Variants in TAFA1 observed in about 807,000 individuals in gnomAD.
TAFA1 encodes the protein chemokine-like protein TAFA-1.
Under a neutral mutation model 18.5 loss-of-function variants are expected in TAFA1, and 4 were observed. The ratio of observed to expected loss-of-function variants is 0.22; its 90% CI spans 0.11 to 0.49. The LOEUF (loss-of-function observed/expected upper bound fraction) is 0.49, where lower values mean the gene tolerates loss of function less well. TAFA1 is among the 20% of genes least tolerant of loss of function. The pLI is 0.98. For synonymous variants in TAFA1, 56 were observed against 55.2 expected, an observed-to-expected ratio of 1.01 and a Z score of -0.06; for missense variants, 147 against 169.0, an observed-to-expected ratio of 0.87 and a Z score of 0.72.
intron 2 of TAFA1, among the ~76,000 whole-genome samples, chr3:68,106,725 CATT>C (rs1270453757): frequency 1.3e-5 from 2 of 152,010 alleles, no homozygotes; most frequent in Non-Finnish European, 2.9e-5. Flanking sequence ...ATTTACAAAA[CATT>C]ATCAGAATGC....
At chr3:68,240,378 T>C (rs1323597943) in intron 2 of TAFA1, among the ~76,000 whole-genome samples, 1 of 152,132 alleles carries the variant, frequency 6.6e-6, no homozygotes, top group African/African-American at 2.4e-5. Flanking sequence ...CTCTTCCATC[T>C]CTCTTGAACA....
At chr3:68,030,094 A>G (rs537567202) in intron 2 of TAFA1, among the ~76,000 whole-genome samples, 2 of 152,178 alleles carry the variant, frequency 1.3e-5, no homozygotes, top group Non-Finnish European at 2.9e-5. Context: ...TTGTAAGATG[A>G]AGAAATTAGA....
intron 3 of TAFA1, among the ~76,000 whole-genome samples, chr3:68,485,070 C>G (rs771472444): frequency 2.0e-5 from 3 of 152,202 alleles, no homozygotes; most frequent in Non-Finnish European, 2.9e-5. Context: ...TGTATCTACA[C>G]ACAAAGTAGC....
chr3:68,160,094 T>C (rs1047004167), intron 2 of TAFA1, among the ~76,000 whole-genome samples: 1 of 152,204 alleles, frequency 6.6e-6, no homozygotes, highest in Admixed American at 6.5e-5. Context: ...TGGAAAGCTC[T>C]TGGGCTTCTG....
intron 2 of TAFA1, among the ~76,000 whole-genome samples, chr3:68,321,400 G>C (rs2068695979): frequency 6.6e-6 from 1 of 152,000 alleles, no homozygotes; most frequent in African/African-American, 2.4e-5. Flanking sequence ...TCTCCTCTGG[G>C]GTGTCTTTAA....
intron 3 of TAFA1, among the ~76,000 whole-genome samples, chr3:68,448,123 G>C (rs1453498650): frequency 6.6e-6 from 1 of 152,050 alleles, no homozygotes. Context: ...GCATCCCTGG[G>C]GTCATCTCCT....
chr3:67,994,659 G>A, the TAFA1 span, among the ~76,000 whole-genome samples: 2 of 152,124 alleles, frequency 1.3e-5, no homozygotes, highest in African/African-American at 4.8e-5. Context: ...ACAGGTTGGT[G>A]GCTCTTCAGA....
At chr3:68,156,009 A>G (rs1313505216) in intron 2 of TAFA1, among the ~76,000 whole-genome samples, 2 of 151,968 alleles carry the variant, frequency 1.3e-5, no homozygotes, top group African/African-American at 4.8e-5. Flanking sequence ...TTCCCCCTTC[A>G]AGTACCAGGT....
intron 2 of TAFA1, among the ~76,000 whole-genome samples, chr3:68,232,445 C>A (rs1217170189): frequency 6.6e-6 from 1 of 152,122 alleles, no homozygotes; most frequent in Non-Finnish European, 1.5e-5. Flanking sequence ...TTTTGTTTAT[C>A]CGTTCATCTA....
chr3:68,467,024 AC>A (rs2071899929), intron 3 of TAFA1, among the ~76,000 whole-genome samples: 1 of 152,082 alleles, frequency 6.6e-6, no homozygotes, highest in South Asian at 2.1e-4. Flanking sequence ...AATATTCCTT[AC>A]TGGGGAAAGA....
intron 2 of TAFA1, among the ~76,000 whole-genome samples, chr3:68,101,988 G>A (rs892905179): frequency 6.6e-5 from 10 of 152,008 alleles, no homozygotes; most frequent in Non-Finnish European, 5.9e-5. Context: ...TTCAAGGTGC[G>A]GTAGGGTCAG....
intron 2 of TAFA1, among the ~76,000 whole-genome samples, chr3:68,171,087 G>T (rs2066047804): frequency 6.6e-6 from 1 of 152,142 alleles, no homozygotes; most frequent in African/African-American, 2.4e-5. Context: ...ATGGCAAGGA[G>T]GAATTCAGGT....
intron 2 of TAFA1, among the ~76,000 whole-genome samples, chr3:68,261,939 G>C (rs940940616): frequency 1.4e-5 from 2 of 143,450 alleles, no homozygotes; most frequent in African/African-American, 5.2e-5. Flanking sequence ...ACAAAAAAAA[G>C]AAAGTGACCC....
intron 2 of TAFA1, among the ~76,000 whole-genome samples, chr3:68,035,570 G>GTGAAACAA (rs1381732132): frequency 6.6e-6 from 1 of 152,312 alleles, no homozygotes; most frequent in East Asian, 1.9e-4. Context: ...TAACGAGGAT[G>GTGAAACAA]TGAAACAATT....
At chr3:68,390,178 T>C (rs1223680091) in intron 2 of TAFA1, among the ~76,000 whole-genome samples, 1 of 152,046 alleles carries the variant, frequency 6.6e-6, no homozygotes, top group African/African-American at 2.4e-5. Context: ...GGAAGGGGCG[T>C]CCGCCATTAC....
intron 3 of TAFA1, among the ~76,000 whole-genome samples, chr3:68,480,947 G>A (rs922310046): frequency 3.3e-5 from 5 of 152,086 alleles, no homozygotes; most frequent in South Asian, 2.1e-4. Flanking sequence ...GGGGCAACCC[G>A]TTTTGCTTGG....
At chr3:68,450,464 T>C (rs935935772) in intron 3 of TAFA1, among the ~76,000 whole-genome samples, 5 of 152,236 alleles carry the variant, frequency 3.3e-5, no homozygotes, top group African/African-American at 1.2e-4. Context: ...AGTGAAGCCA[T>C]GAAAGTGAAT....
intron 2 of TAFA1, 138 bp downstream of exon 2, chr3:68,006,882 A>G: frequency 7.7e-6 from 5 of 650,642 alleles, no homozygotes; most frequent in Non-Finnish European, 1.4e-5. Flanking sequence ...TGTTGGCTGG[A>G]TGCTTTGGGG....
intron 2 of TAFA1, among the ~76,000 whole-genome samples, chr3:68,057,639 C>G (rs1171684512): frequency 6.6e-6 from 1 of 152,152 alleles, no homozygotes; most frequent in Non-Finnish European, 1.5e-5. Context: ...CCTTACACAG[C>G]AAAAGGGACT....
Sources: allele counts gnomAD v4.1 joint callset (sites outside exome capture counted in the v4.1 genomes callset), GRCh38; gene constraint gnomAD v4.1.1; transcripts MANE v1.5; gene names NCBI Gene and HGNC (gene_info 2026-07-23, HGNC 2026-07-21).